PDZD2: variants seen among roughly 807,000 people sequenced by gnomAD.
The protein encoded by PDZD2 is PDZ domain containing 2, also known as PDZ domain-containing protein 2.
In PDZD2, 90 loss-of-function variants were observed where a neutral mutation model predicts 220.7. The observed-to-expected ratio is 0.41, with a 90% CI of 0.34 to 0.49. The LOEUF is 0.49. Ranked by LOEUF, PDZD2 falls within the 20% of genes least tolerant of loss-of-function variation. PDZD2 has a pLI of 0.28. For missense variants in PDZD2, 3,174 were observed against 3,608.5 expected, an observed-to-expected ratio of 0.88 and a Z score of 3.08; for synonymous variants, 1,375 against 1,450.5, an observed-to-expected ratio of 0.95 and a Z score of 1.18.
rs1402181132 is a variant in PDZD2 at position 32,051,880 on chromosome 5, G to A, written c.1666-731G>A. Among the ~76,000 whole-genome samples the A allele has an allele frequency of 3.9e-5, 6 of 152,298 alleles. No homozygotes were observed. The South Asian group carries it at 6.2e-4, about 16-fold the overall frequency. On this transcript the variant is annotated intron_variant, in intron 8 of 24. Coordinates refer to ENST00000438447, the MANE Select transcript of PDZD2 (RefSeq NM_178140.4). ...ACAAGGGCTTGCTGAGTTTTTGATC[G>A]AGTGAGTTAGGCTTAAAATGGCAAG...
chr5:32,023,985 T>A (rs1424749548), intron 6 of PDZD2, among the ~76,000 whole-genome samples: 1 of 152,240 alleles, frequency 6.6e-6, no homozygotes, highest in East Asian at 1.9e-4. Flanking sequence ...ATCTACACCA[T>A]CTACACTACC....
At chr5:31,823,277 C>T (rs371614130) in intron 2 of PDZD2, 4 of 331,872 alleles carry the variant, frequency 1.2e-5, no homozygotes, top group South Asian at 5.3e-5. Context: ...CCAGCTGGGC[C>T]AAGGCATGGT....
chr5:31,840,460 T>A, intron 2 of PDZD2: 1 of 203,430 alleles, frequency 4.9e-6, no homozygotes, highest in Non-Finnish European at 9.1e-6. Flanking sequence ...TTGTTTATAG[T>A]CCAGAGGTCT....
At chr5:31,695,926 C>T (rs1312801627) in intron 1 of PDZD2, among the ~76,000 whole-genome samples, 2 of 152,148 alleles carry the variant, frequency 1.3e-5, no homozygotes, top group Admixed American at 1.3e-4. Flanking sequence ...AAAATTCTAC[C>T]TTAGGCATCT....
chr5:31,730,579 T>TG (rs1219948709), intron 1 of PDZD2, among the ~76,000 whole-genome samples: 2 of 114,722 alleles, frequency 1.7e-5, no homozygotes, highest in African/African-American at 6.8e-5. Flanking sequence ...TGTGTGTGTG[T>TG]GTGTGTGTGT....
At chr5:31,995,782 A>C in intron 4 of PDZD2, 64 bp downstream of exon 4, 1 of 1,432,074 alleles carries the variant, frequency 7.0e-7, no homozygotes, top group Non-Finnish European at 9.7e-7. Flanking sequence ...CTCCCTCCCC[A>C]CTGGTGCAGG....
chr5:31,947,731 C>T (rs1029699357), intron 2 of PDZD2, among the ~76,000 whole-genome samples: 1 of 152,130 alleles, frequency 6.6e-6, no homozygotes, highest in Non-Finnish European at 1.5e-5. Context: ...GCTGGAAAAT[C>T]GCTTAAACCT....
At chr5:32,046,801 G>C (rs1042578143) in intron 7 of PDZD2, among the ~76,000 whole-genome samples, 3 of 152,140 alleles carry the variant, frequency 2.0e-5, no homozygotes, top group Non-Finnish European at 4.4e-5. Flanking sequence ...CCAGCATTTT[G>C]GGAGGCCAAG....
intron 2 of PDZD2, among the ~76,000 whole-genome samples, chr5:31,850,985 G>A (rs1169347609): frequency 6.6e-6 from 1 of 152,076 alleles, no homozygotes; most frequent in Non-Finnish European, 1.5e-5. Context: ...TATGTCCTCT[G>A]TAGAGATGAT....
At chr5:31,878,554 G>GATTTTTTTTTTT (rs1411853055) in intron 2 of PDZD2, among the ~76,000 whole-genome samples, 1 of 39,264 alleles carries the variant, frequency 2.5e-5, no homozygotes, top group Non-Finnish European at 5.3e-5. Flanking sequence ...GATGACCTCG[G>GATTTTTTTTTTT]CTTTTTTTTT....
chr5:31,895,167 C>A (rs905545183), intron 2 of PDZD2, among the ~76,000 whole-genome samples: 1 of 152,204 alleles, frequency 6.6e-6, no homozygotes, highest in African/African-American at 2.4e-5. Context: ...GGATTACAGG[C>A]GTGAGCCACC....
chr5:32,088,316 T>C lies in PDZD2; in HGVS notation c.4868T>C (p.Ile1623Thr), dbSNP rs752219616. Reference sequence around the variant, plus strand: ...GCTCATCTTCCCACCCAGGCTGCCATCTGTCCTGCCTCAGCCAAAGTTCTG... The same window carrying C: ...GCTCATCTTCCCACCCAGGCTGCCACCTGTCCTGCCTCAGCCAAAGTTCTG... ...SPAHLPTQAA[I>T]CPASAKVLSL... The change falls in exon 20 of 25, where the codon ATC becomes ACC. Residue 1623 changes from isoleucine to threonine, a missense_variant. Physicochemically the swap from Ile to Thr is moderately conservative, Grantham distance 89 (BLOSUM62 -1). Transcript: ENST00000438447. The surrounding 1 kb of genome is among the most constrained non-coding windows in gnomAD (Gnocchi z 4.6). The C allele has an allele frequency of 2.5e-6, 4 of 1,613,936 alleles. No individual in the cohort carries two copies. Among genetic ancestry groups the C allele is most frequent in the Non-Finnish European group, 3.4e-6 (4 of 1,179,986 alleles).
chr5:31,796,100 A>C (rs1754005790), intron 1 of PDZD2, among the ~76,000 whole-genome samples: 1 of 152,228 alleles, frequency 6.6e-6, no homozygotes, highest in South Asian at 2.1e-4. Flanking sequence ...AGCTGAGCCA[A>C]TCAGCTTCAC....
intron 24 of PDZD2, among the ~76,000 whole-genome samples, chr5:32,104,488 C>A (rs1399134147): frequency 6.6e-6 from 1 of 151,522 alleles, no homozygotes; most frequent in Non-Finnish European, 1.5e-5. Context: ...CCTAAGCAGC[C>A]CAAGGTGGGT....
At chr5:31,651,642 A>ATTTT (rs777693595) in intron 1 of PDZD2, among the ~76,000 whole-genome samples, 5,300 of 151,416 alleles carry the variant, frequency 0.035, 131 homozygotes, top group Non-Finnish European at 0.053. Flanking sequence ...TTATTTATTT[A>ATTTT]TTTTTTTGAG....
intron 2 of PDZD2, among the ~76,000 whole-genome samples, chr5:31,842,965 T>G (rs898011134): frequency 9.9e-5 from 15 of 152,124 alleles, no homozygotes; most frequent in Non-Finnish European, 1.9e-4. Context: ...CACTGCCACC[T>G]CTGCCTCCTG....
Position 31,916,640 on chromosome 5 carries a change from T to C in PDZD2, c.477-66515T>C, listed in dbSNP as rs1435440106. ...GTGTCACTTTTGCAAGACTGTGACG[T>C]TGCACGTGTTCAGCTGTTTTCTTCA... On this transcript the variant is annotated intron_variant, in intron 2 of 24. Transcript: ENST00000438447. Among the ~76,000 whole-genome samples the C allele has an allele frequency of 8.0e-5, 12 of 149,826 alleles. No homozygotes were observed. In the East Asian group the frequency reaches 2.4e-3, roughly 30 times the overall value.
chr5:31,893,293 G>C lies in PDZD2; in HGVS notation c.477-89862G>C, dbSNP rs150649156. Reference sequence around the variant, plus strand: ...CGCATTTAAAAACAAAAACCTGGCTGGGCGCGGTGGCTCGTGCCTGTAATC... The same window carrying C: ...CGCATTTAAAAACAAAAACCTGGCTCGGCGCGGTGGCTCGTGCCTGTAATC... On this transcript the variant is annotated intron_variant, in intron 2 of 24. Coordinates refer to ENST00000438447, the MANE Select transcript of PDZD2 (RefSeq NM_178140.4). 7.3e-3 allele frequency among the ~76,000 whole-genome samples: 1,108 copies of C among 152,202 alleles called. 5 individuals carry two copies. The highest frequency in any genetic ancestry group is 8.8e-3 in the Non-Finnish European group (600 of 68,008).
At chr5:31,836,974 C>T (rs574830501) in intron 2 of PDZD2, among the ~76,000 whole-genome samples, 17 of 151,216 alleles carry the variant, frequency 1.1e-4, no homozygotes, top group Admixed American at 5.9e-4. Flanking sequence ...GCCAAGATCA[C>T]GCCATTGCAT....
Sources: gnomAD v4.1 joint callset for allele counts (sites outside exome capture counted in the v4.1 genomes callset) on GRCh38, gnomAD v4.1.1 for gene constraint, Gnocchi (gnomAD v3.1) non-coding constraint, MANE v1.5 for transcripts, NCBI Gene and HGNC (gene_info 2026-07-23, HGNC 2026-07-21) for gene names.